The following PLCL1 variants were observed in gnomAD, a reference collection of about 807,000 sequenced individuals.
The protein encoded by PLCL1 is inactive phospholipase C-like protein 1.
PLCL1 carries 41 observed loss-of-function variants against 84.4 expected under a neutral mutation model. The ratio of observed to expected loss-of-function variants is 0.49; its 90% confidence interval spans 0.38 to 0.63. The LOEUF (loss-of-function observed/expected upper bound fraction) is 0.63. Ranked by LOEUF, PLCL1 falls within the 30% of genes least tolerant of loss-of-function variation. The probability of loss-of-function intolerance (pLI) is 0.00; values close to 1 mark genes in which losing one functional copy is unlikely to be tolerated. For synonymous variants in PLCL1, 490 were observed against 488.3 expected (o/e 1.00, Z -0.05); for missense variants, 1,206 against 1,367.8 (o/e 0.88, Z 1.87).
chr2:198,055,028 A>G (rs1191551735), intron 1 of PLCL1, among the ~76,000 whole-genome samples: 3 of 152,142 alleles, frequency 2.0e-5, no homozygotes, highest in Admixed American at 6.5e-5. Flanking sequence ...GATGTTTTAT[A>G]TAGTATATGT....
In PLCL1 at chr2:198,149,273, GC is replaced by G. The variant is rs1694592300; in HGVS notation, c.*2316del. On this transcript the variant is annotated 3_prime_UTR_variant, in exon 6 of 6. Coordinates refer to ENST00000428675, the MANE Select transcript of PLCL1 (RefSeq NM_006226.4). The stretch of plus-strand genomic sequence containing the variant: ...CTAGACTTGAACTGTGGTAGAAAAA[GC>G]CCCCTTCTCTCTTCTATCTACTTAG... 1 of 152,324 alleles carries G rather than the reference GC, an allele frequency of 6.6e-6. No homozygotes were observed. 9.4% of individuals were successfully genotyped at this position (152,324 alleles called of 1,614,324 possible).
intron 1 of PLCL1, among the ~76,000 whole-genome samples, chr2:197,829,977 A>G (rs1691022074): frequency 6.6e-6 from 1 of 152,242 alleles, no homozygotes; most frequent in Non-Finnish European, 1.5e-5. Context: ...TAACAGTCAC[A>G]AAATACCTTG....
At chr2:197,827,022 G>A (rs974399511) in intron 1 of PLCL1, among the ~76,000 whole-genome samples, 2 of 151,994 alleles carry the variant, frequency 1.3e-5, no homozygotes, top group African/African-American at 4.8e-5. Flanking sequence ...CTACTAAATA[G>A]TTCTCACTGC....
At chr2:197,924,932 C>T (rs1412355840) in intron 1 of PLCL1, among the ~76,000 whole-genome samples, 2 of 152,178 alleles carry the variant, frequency 1.3e-5, no homozygotes, top group African/African-American at 4.8e-5. Flanking sequence ...AAATTTCTAG[C>T]TGATTCCCTA....
intron 3 of PLCL1, among the ~76,000 whole-genome samples, chr2:198,092,953 G>A (rs576992264): frequency 6.6e-6 from 1 of 152,248 alleles, no homozygotes; most frequent in South Asian, 2.1e-4. Context: ...GGTGAAAATC[G>A]TGTAGTTTCC....
intron 1 of PLCL1, among the ~76,000 whole-genome samples, chr2:197,947,825 T>G (rs1449616887): frequency 3.3e-5 from 5 of 152,166 alleles, no homozygotes; most frequent in Non-Finnish European, 1.5e-5. Context: ...TAAGTATTTT[T>G]CAAAACTCCT....
chr2:197,945,933 AAT>A (rs1299110437), intron 1 of PLCL1, among the ~76,000 whole-genome samples: 1 of 152,152 alleles, frequency 6.6e-6, no homozygotes, highest in African/African-American at 2.4e-5. Context: ...TTTTTATTAG[AAT>A]ATGTTGTTGA....
At chr2:197,983,200 C>CTTTTTTTCTTTTTTT (rs1690150482) in intron 1 of PLCL1, among the ~76,000 whole-genome samples, 4 of 60,256 alleles carry the variant, frequency 6.6e-5, no homozygotes, top group African/African-American at 1.9e-4. Context: ...CTTTTCTTTT[C>CTTTTTTTCTTTTTTT]TTTTTTTTTT....
chr2:198,141,928 A>G (rs1301070632), intron 5 of PLCL1, among the ~76,000 whole-genome samples: 1 of 152,174 alleles, frequency 6.6e-6, no homozygotes, highest in Non-Finnish European at 1.5e-5. Flanking sequence ...AGTCCCAATT[A>G]GCTGCTTTAA....
Position 197,992,664 on chromosome 2 carries a change from T to C in PLCL1, c.241-91094T>C, listed in dbSNP as rs80332680. 5.2e-3 allele frequency among the ~76,000 whole-genome samples: 795 copies of C among 152,290 alleles called. 14 individuals carry two copies. Among genetic ancestry groups the C allele is most frequent in the Admixed American group, 0.035 (528 of 15,282 alleles). Reference sequence around the variant, plus strand: ...TCTTCAGAACTTTTTCATTTCCCCATACTGAACGCTGAAACTGTACTCATT... The same window carrying C: ...TCTTCAGAACTTTTTCATTTCCCCACACTGAACGCTGAAACTGTACTCATT... On this transcript the variant is annotated intron_variant, in intron 1 of 5. Coordinates refer to ENST00000428675, the MANE Select transcript of PLCL1 (RefSeq NM_006226.4).
chr2:198,111,427 C>T (rs1256371229), intron 5 of PLCL1, among the ~76,000 whole-genome samples: 2 of 151,880 alleles, frequency 1.3e-5, no homozygotes, highest in African/African-American at 4.8e-5. Flanking sequence ...TAAACCTTCT[C>T]AGGGAAGAGG....
chr2:197,998,086 G>C (rs1170914740), intron 1 of PLCL1, among the ~76,000 whole-genome samples: 5 of 152,076 alleles, frequency 3.3e-5, no homozygotes, highest in Non-Finnish European at 1.5e-5. Context: ...TATGGAGCGA[G>C]ACAGAAACTG....
chr2:198,123,456 A>G (rs1433767262), intron 5 of PLCL1, among the ~76,000 whole-genome samples: 1 of 152,008 alleles, frequency 6.6e-6, no homozygotes, highest in Non-Finnish European at 1.5e-5. Flanking sequence ...GCGGGGGATA[A>G]TCCAATATGA....
At chr2:198,088,285 G>A (rs1692935593) in intron 2 of PLCL1, among the ~76,000 whole-genome samples, 1 of 152,150 alleles carries the variant, frequency 6.6e-6, no homozygotes, top group Admixed American at 6.5e-5. Context: ...AAATTCATGA[G>A]ACACCTAATA....
chr2:198,034,551 A>C (rs11889326), intron 1 of PLCL1, among the ~76,000 whole-genome samples: 73,397 of 152,012 alleles, frequency 0.48, 18,059 homozygotes, highest in Middle Eastern at 0.63. Context: ...AGCCATAAAA[A>C]AAGTTTTTGT....
chr2:197,881,169 TCTAA>T (rs1471552638), intron 1 of PLCL1, among the ~76,000 whole-genome samples: 6 of 152,184 alleles, frequency 3.9e-5, no homozygotes, highest in African/African-American at 7.2e-5. Flanking sequence ...ACTTTTCTTA[TCTAA>T]CTGACAAGTG....
chr2:197,904,798 T>A (rs1688343491), intron 1 of PLCL1, among the ~76,000 whole-genome samples: 1 of 152,122 alleles, frequency 6.6e-6, no homozygotes, highest in Non-Finnish European at 1.5e-5. Context: ...TAGAAAAAAA[T>A]TTTTGAAGAA....
At position 198,136,068 on chromosome 2, in the gene PLCL1, G is replaced by T. The variant is rs186783959; in HGVS notation, c.3106-10712G>T. Among the ~76,000 whole-genome samples the T allele has an allele frequency of 8.0e-4, 121 of 152,090 alleles. 1 individual carries two copies. Among genetic ancestry groups the T allele is most frequent in the Non-Finnish European group, 1.4e-3 (97 of 67,982 alleles). On this transcript the variant is annotated intron_variant, in intron 5 of 5. Transcript: ENST00000428675. ...TGGACTAATGAGTAATGCAATCCTG[G>T]CTTTTATTGTCGCATTTTATTCTCT...
intron 1 of PLCL1, among the ~76,000 whole-genome samples, chr2:197,869,114 A>G (rs1214293009): frequency 6.6e-6 from 1 of 152,114 alleles, no homozygotes; most frequent in Non-Finnish European, 1.5e-5. Context: ...AGACATTATT[A>G]TTGCCATTTT....
Sources: gnomAD v4.1 joint callset for allele counts (sites outside exome capture counted in the v4.1 genomes callset) on GRCh38, gnomAD v4.1.1 for gene constraint, MANE v1.5 for transcripts, NCBI Gene and HGNC (gene_info 2026-07-23, HGNC 2026-07-21) for gene names.